JMJD1C: variants seen among roughly 807,000 people sequenced by gnomAD.
The protein encoded by JMJD1C is jumonji domain-containing protein 1C.
JMJD1C carries 31 observed loss-of-function variants against 245.3 expected under a neutral mutation model. The ratio of observed to expected loss-of-function variants is 0.13; its 90% confidence interval spans 0.09 to 0.17. JMJD1C has a LOEUF of 0.17. Ranked by LOEUF, JMJD1C falls within the 10% of genes least tolerant of loss-of-function variation. JMJD1C has a pLI of 1.00. For missense variants in JMJD1C, 2,691 were observed against 3,000.2 expected (o/e 0.90, Z 2.41); for synonymous variants, 1,057 against 1,017.4 (o/e 1.04, Z -0.74).
intron 2 of JMJD1C, among the ~76,000 whole-genome samples, chr10:63,304,918 G>T (rs984953534): frequency 6.6e-5 from 10 of 152,164 alleles, no homozygotes; most frequent in African/African-American, 2.4e-4. Context: ...AGGATCACTT[G>T]AAGCCAGGAA....
chr10:63,402,818 T>A (rs193224185), intron 1 of JMJD1C, among the ~76,000 whole-genome samples: 3 of 152,290 alleles, frequency 2.0e-5, no homozygotes, highest in Admixed American at 2.0e-4. Flanking sequence ...AGATGTCAAA[T>A]CATGCCCCTT....
intron 1 of JMJD1C, among the ~76,000 whole-genome samples, chr10:63,498,600 T>C (rs1408901112): frequency 6.6e-6 from 1 of 152,116 alleles, no homozygotes; most frequent in Non-Finnish European, 1.5e-5. Flanking sequence ...GCCCCGACCC[T>C]ACACCCCCTA....
chr10:63,392,377 A>C (rs1223499205), intron 1 of JMJD1C, among the ~76,000 whole-genome samples: 1 of 152,182 alleles, frequency 6.6e-6, no homozygotes, highest in Admixed American at 6.5e-5. Flanking sequence ...CGACTATATT[A>C]AACTGCACAG....
chr10:63,397,635 A>T (rs1199052405), intron 1 of JMJD1C, among the ~76,000 whole-genome samples: 1 of 151,800 alleles, frequency 6.6e-6, no homozygotes, highest in Non-Finnish European at 1.5e-5. Flanking sequence ...CTGGGCTCAA[A>T]CAATCCTCCC....
intron 2 of JMJD1C, among the ~76,000 whole-genome samples, chr10:63,279,193 T>C (rs1427622043): frequency 6.6e-6 from 1 of 152,148 alleles, no homozygotes; most frequent in Non-Finnish European, 1.5e-5. Flanking sequence ...GAGGTTGCAG[T>C]GAGCTAAGAC....
At chr10:63,424,906 A>AT (rs1182182413) in intron 1 of JMJD1C, among the ~76,000 whole-genome samples, 2 of 151,970 alleles carry the variant, frequency 1.3e-5, no homozygotes, top group African/African-American at 4.8e-5. Context: ...ACTGAACACA[A>AT]TCAATGAGTA....
intron 1 of JMJD1C, among the ~76,000 whole-genome samples, chr10:63,407,707 A>T (rs937327602): frequency 3.9e-5 from 6 of 151,988 alleles, no homozygotes; most frequent in Non-Finnish European, 7.4e-5. Flanking sequence ...TAGACCAAAG[A>T]GAAGAAAACA....
chr10:63,430,521 A>G (rs564460276), intron 1 of JMJD1C, among the ~76,000 whole-genome samples: 15 of 152,340 alleles, frequency 9.8e-5, no homozygotes, highest in Admixed American at 8.5e-4. Flanking sequence ...ATTTATATGG[A>G]ATGTTCACAA....
chr10:63,366,767 T>C (rs543789499), intron 2 of JMJD1C, among the ~76,000 whole-genome samples: 28 of 152,168 alleles, frequency 1.8e-4, no homozygotes, highest in Non-Finnish European at 4.0e-4. Flanking sequence ...AAGTTACCAG[T>C]GGGACTGAGA....
intron 1 of JMJD1C, among the ~76,000 whole-genome samples, chr10:63,454,776 C>G (rs1206669611): frequency 2.0e-5 from 3 of 152,210 alleles, no homozygotes; most frequent in Non-Finnish European, 4.4e-5. Context: ...GGCTACCATA[C>G]TGAAAAGCAC....
chr10:63,430,172 A>G (rs1398462575), intron 1 of JMJD1C, among the ~76,000 whole-genome samples: 1 of 152,230 alleles, frequency 6.6e-6, no homozygotes, highest in African/African-American at 2.4e-5. Context: ...AAATTACTTC[A>G]CACCATATAC....
chr10:63,321,171 C>T (rs1940811247), intron 2 of JMJD1C, among the ~76,000 whole-genome samples: 1 of 152,194 alleles, frequency 6.6e-6, no homozygotes, highest in Non-Finnish European at 1.5e-5. Flanking sequence ...TCCCATGTAT[C>T]TTCATCTGGC....
chr10:63,271,248 G>A (rs1049185282), intron 2 of JMJD1C, among the ~76,000 whole-genome samples: 9 of 151,314 alleles, frequency 5.9e-5, no homozygotes, highest in Non-Finnish European at 7.4e-5. Context: ...ATCTCAGCTC[G>A]CTGCAACCTC....
intron 1 of JMJD1C, among the ~76,000 whole-genome samples, chr10:63,461,767 C>T (rs1158402360): frequency 6.6e-6 from 1 of 151,908 alleles, no homozygotes; most frequent in Non-Finnish European, 1.5e-5. Context: ...GGCTTGAAAA[C>T]AGAAATACAA....
At position 63,186,205 on chromosome 10, in the gene JMJD1C, A is replaced by G. The variant is rs1375600420; in HGVS notation, c.6739+10T>C. ...TGATGGAGAAAATAGTAAAATAAAA[A>G]CCAACATACTTGAAACTTCTTCAAA... On this transcript the variant is annotated intron_variant, in intron 19 of 25. Coordinates refer to ENST00000399262, the MANE Select transcript of JMJD1C (RefSeq NM_032776.3). 1 of 1,593,708 alleles carries G rather than the reference A, an allele frequency of 6.3e-7. No individual in the cohort carries two copies. The highest frequency in any genetic ancestry group is 1.7e-5 in the Admixed American group (1 of 58,292).
intron 1 of JMJD1C, among the ~76,000 whole-genome samples, chr10:63,404,093 C>G (rs570657906): frequency 1.3e-5 from 2 of 151,178 alleles, no homozygotes; most frequent in Non-Finnish European, 2.9e-5. Flanking sequence ...CCAGCCTGGG[C>G]AACAGAGCAA....
chr10:63,280,334 G>A (rs558037037), intron 2 of JMJD1C, among the ~76,000 whole-genome samples: 4 of 152,144 alleles, frequency 2.6e-5, no homozygotes, highest in Admixed American at 2.6e-4. Context: ...CGGATCACAA[G>A]GTCAAGAGAT....
rs570165815 is a variant in JMJD1C, at chr10:63,367,235, G to GT, written c.333+13082dup. Reference sequence around the variant, plus strand: ...GCTTTATTCACCCTAGTTTTTTTTTGTTTTTGTTTTTGTTTTGTTGTTGTT... The same window carrying GT: ...GCTTTATTCACCCTAGTTTTTTTTTGTTTTTTGTTTTTGTTTTGTTGTTGTT... On this transcript the variant is annotated intron_variant, in intron 2 of 25. Coordinates refer to ENST00000399262, the MANE Select transcript of JMJD1C (RefSeq NM_032776.3). Among the ~76,000 whole-genome samples the GT allele has an allele frequency of 4.1e-3, 623 of 151,110 alleles. 4 individuals carry two copies. The highest frequency in any genetic ancestry group is 6.8e-3 in the Middle Eastern group (2 of 294).
intron 2 of JMJD1C, among the ~76,000 whole-genome samples, chr10:63,283,931 T>C (rs977506180): frequency 6.6e-6 from 1 of 152,072 alleles, no homozygotes; most frequent in Non-Finnish European, 1.5e-5. Context: ...AGAGAAGCAA[T>C]TGTTCATGAA....
Sources: gnomAD v4.1 joint callset for allele counts (sites outside exome capture counted in the v4.1 genomes callset) on GRCh38, gnomAD v4.1.1 for gene constraint, MANE v1.5 for transcripts, NCBI Gene and HGNC (gene_info 2026-07-23, HGNC 2026-07-21) for gene names.